The following LRRC20 variants were observed in gnomAD, a reference collection of about 807,000 sequenced individuals.
LRRC20 encodes the protein leucine-rich repeat-containing protein 20.
LRRC20 carries 11 observed loss-of-function variants against 14.4 expected under a neutral mutation model. The ratio of observed to expected loss-of-function variants is 0.77; its 90% CI spans 0.48 to 1.27. The LOEUF (loss-of-function observed/expected upper bound fraction) is 1.27, where lower values mean the gene tolerates loss of function less well. LRRC20 is among the 50% of genes most tolerant of loss of function. LRRC20 has a pLI of 0.00. For synonymous variants in LRRC20, 121 were observed against 107.3 expected, an observed-to-expected ratio of 1.13 and a Z score of -0.79; for missense variants, 219 against 251.2, an observed-to-expected ratio of 0.87 and a Z score of 0.87.
intron 2 of LRRC20, among the ~76,000 whole-genome samples, chr10:70,364,920 C>A (rs115152891): frequency 0.015 from 2,326 of 152,306 alleles, 51 homozygotes; most frequent in African/African-American, 0.053. Context: ...CCTGCCCCAC[C>A]CCGCAGCAGC....
At chr10:70,324,077 C>T (rs1403548150) in intron 3 of LRRC20, 47 bp from the exon 4 acceptor site, 3 of 1,582,538 alleles carry the variant, frequency 1.9e-6, no homozygotes, top group Non-Finnish European at 2.6e-6. Flanking sequence ...GAGGGGGCCA[C>T]CCCGAGACCA....
intron 3 of LRRC20, among the ~76,000 whole-genome samples, chr10:70,331,207 G>A (rs1842525331): frequency 6.6e-6 from 1 of 152,172 alleles, no homozygotes; most frequent in South Asian, 2.1e-4. Flanking sequence ...CACTGTATCA[G>A]AAGCATCACT....
intron 2 of LRRC20, among the ~76,000 whole-genome samples, chr10:70,364,734 T>G (rs1385096941): frequency 6.6e-6 from 1 of 152,132 alleles, no homozygotes; most frequent in African/African-American, 2.4e-5. Flanking sequence ...AAAGCGCAGG[T>G]GGGCCCGGGA....
At chr10:70,308,675 C>T (rs1017571656) in intron 4 of LRRC20, among the ~76,000 whole-genome samples, 1 of 151,512 alleles carries the variant, frequency 6.6e-6, no homozygotes, top group African/African-American at 2.4e-5. Context: ...GACAGGCGAG[C>T]GAGCCAGCAA....
chr10:70,315,085 A>G (rs1474397358), intron 4 of LRRC20, among the ~76,000 whole-genome samples: 1 of 152,204 alleles, frequency 6.6e-6, no homozygotes, highest in Non-Finnish European at 1.5e-5. Flanking sequence ...TGAGGAGAAT[A>G]ACAGTATCTG....
intron 2 of LRRC20, among the ~76,000 whole-genome samples, chr10:70,361,373 C>T (rs919518595): frequency 5.3e-5 from 8 of 152,130 alleles, no homozygotes; most frequent in African/African-American, 7.2e-5. Context: ...CCTAGTGTGG[C>T]GAGAAGGCAG....
At position 70,299,480 on chromosome 10, in the gene LRRC20, GGTCTGA is replaced by G. The variant is rs2136827876; in HGVS notation, c.*1868_*1873del. On this transcript the variant is annotated 3_prime_UTR_variant, in exon 5 of 5. Transcript: ENST00000446961. Reference sequence around the variant, plus strand: ...AGCTGGGGGTCTTGCTAAAATGCAGGGTCTGAGTCGGGAGGTATAGGGTGAGGCCTA... The same window carrying G: ...AGCTGGGGGTCTTGCTAAAATGCAGGGTCGGGAGGTATAGGGTGAGGCCTA... The G allele has an allele frequency of 6.6e-6, 1 of 152,352 alleles. No individual in the cohort carries two copies. The highest frequency in any genetic ancestry group is 6.5e-5 in the Admixed American group (1 of 15,302). 9.4% of individuals were successfully genotyped at this position (152,352 alleles called of 1,614,324 possible). A position where few individuals can be genotyped will look rare whatever the true frequency, so the allele number is the denominator to read the frequency against.
intron 4 of LRRC20, among the ~76,000 whole-genome samples, chr10:70,319,762 T>C (rs1408630932): frequency 6.6e-6 from 1 of 152,212 alleles, no homozygotes; most frequent in Non-Finnish European, 1.5e-5. Flanking sequence ...ATTTGAAAAA[T>C]ACAGGAACTA....
At chr10:70,302,684 G>A (rs1399133490) in intron 4 of LRRC20, among the ~76,000 whole-genome samples, 1 of 151,990 alleles carries the variant, frequency 6.6e-6, no homozygotes, top group African/African-American at 2.4e-5. Context: ...GTCAGGATGG[G>A]CAACATAGTG....
intron 3 of LRRC20, among the ~76,000 whole-genome samples, chr10:70,329,494 T>C (rs1404591662): frequency 6.6e-6 from 1 of 152,134 alleles, no homozygotes; most frequent in African/African-American, 2.4e-5. Context: ...TCTAGTGTAC[T>C]GAGAGTTGGA....
chr10:70,306,979 C>G (rs1841449385), intron 4 of LRRC20, among the ~76,000 whole-genome samples: 2 of 152,214 alleles, frequency 1.3e-5, no homozygotes, highest in Non-Finnish European at 2.9e-5. Flanking sequence ...CCACTGGGAG[C>G]CCCTTTGGCC....
intron 4 of LRRC20, among the ~76,000 whole-genome samples, chr10:70,319,616 G>C (rs1842002381): frequency 6.6e-6 from 1 of 152,128 alleles, no homozygotes; most frequent in Admixed American, 6.6e-5. Flanking sequence ...AGTGTTTGCT[G>C]ACACTAATAC....
chr10:70,333,223 C>G (rs544204344), intron 3 of LRRC20, among the ~76,000 whole-genome samples: 3 of 152,186 alleles, frequency 2.0e-5, no homozygotes, highest in African/African-American at 7.2e-5. Flanking sequence ...CAGAGCCACA[C>G]GGTCCTGGTG....
chr10:70,364,305 A>G (rs4747014), intron 2 of LRRC20, among the ~76,000 whole-genome samples: 146,201 of 152,266 alleles, frequency 0.96, 70,468 homozygotes, highest in East Asian at 1. Flanking sequence ...AGTCCCTGGC[A>G]GCCCCCTTTC....
Position 70,304,643 on chromosome 10 carries a change from C to A in LRRC20, c.401-3135G>T, listed in dbSNP as rs1345220077. Among the ~76,000 whole-genome samples, 7 of 151,822 alleles carry A rather than the reference C, an allele frequency of 4.6e-5. No homozygotes were observed. The South Asian group carries it at 1.2e-3, about 27-fold the overall frequency. On this transcript the variant is annotated intron_variant, in intron 4 of 4. Transcript: ENST00000446961. ...GCATGGACACATTCACATTGTTTTA[C>A]AACCAATCTCCAGAACTCGATCTTG...
At chr10:70,342,365 T>C (rs910776668) in intron 2 of LRRC20, among the ~76,000 whole-genome samples, 2 of 151,880 alleles carry the variant, frequency 1.3e-5, no homozygotes, top group Admixed American at 6.6e-5. Flanking sequence ...ACTCTGAACA[T>C]AGTAAAACCA....
chr10:70,337,937 T>A (rs942684735), intron 3 of LRRC20, among the ~76,000 whole-genome samples: 20 of 152,108 alleles, frequency 1.3e-4, no homozygotes, highest in Non-Finnish European at 1.5e-5. Context: ...ACTGTGCCCT[T>A]TCTGAGGGCC....
At chr10:70,308,706 G>C (rs1185235878) in intron 4 of LRRC20, among the ~76,000 whole-genome samples, 2 of 152,204 alleles carry the variant, frequency 1.3e-5, no homozygotes, top group African/African-American at 4.8e-5. Context: ...GAGAGGCCAG[G>C]AGTCCATGGC....
intron 1 of LRRC20, among the ~76,000 whole-genome samples, chr10:70,380,478 C>T (rs1408397832): frequency 1.3e-5 from 2 of 152,224 alleles, no homozygotes; most frequent in African/African-American, 4.8e-5. Flanking sequence ...TCAATGCCAT[C>T]TGCAGGGATG....
Sources: allele counts gnomAD v4.1 joint callset (sites outside exome capture counted in the v4.1 genomes callset), GRCh38; gene constraint gnomAD v4.1.1; transcripts MANE v1.5; gene names NCBI Gene and HGNC (gene_info 2026-07-23, HGNC 2026-07-21).